WWOX: variants seen among roughly 807,000 people sequenced by gnomAD.
WWOX encodes WW domain-containing oxidoreductase.
WWOX carries 69 observed loss-of-function variants against 46.2 expected under a neutral mutation model. The observed-to-expected ratio is 1.49, with a 90% CI of 1.23 to 1.82. The LOEUF is 1.82. Among genes scored for constraint, WWOX ranks in the 40% most tolerant of loss-of-function variants. The pLI is 0.00. For missense variants in WWOX, 919 were observed against 542.6 expected (o/e 1.69, Z -6.89); for synonymous variants, 359 against 202.6 (o/e 1.77, Z -6.56).
At chr16:78,100,872 C>G (rs2031730712) in intron 1 of WWOX, among the ~76,000 whole-genome samples, 1 of 152,124 alleles carries the variant, frequency 6.6e-6, no homozygotes, top group African/African-American at 2.4e-5. Context: ...TTTTGGGTCT[C>G]CATAGAGAAC....
At chr16:78,556,192 A>C (rs1479831385) in intron 8 of WWOX, among the ~76,000 whole-genome samples, 2 of 152,004 alleles carry the variant, frequency 1.3e-5, no homozygotes, top group Admixed American at 6.6e-5. Context: ...CTTTAACAGC[A>C]AATGCCAGCC....
At chr16:78,845,122 T>TTA (rs1555548809) in intron 8 of WWOX, among the ~76,000 whole-genome samples, 1 of 149,036 alleles carries the variant, frequency 6.7e-6, no homozygotes, top group African/African-American at 2.5e-5. Context: ...GCACTTTTTT[T>TTA]ATCTTGCTGT....
intron 8 of WWOX, among the ~76,000 whole-genome samples, chr16:79,144,157 C>T (rs1300746209): frequency 6.6e-6 from 1 of 152,168 alleles, no homozygotes; most frequent in Non-Finnish European, 1.5e-5. Flanking sequence ...GTCTCAGCCT[C>T]CCAAAGTGTG....
chr16:79,166,868 A>G (rs969849846), intron 8 of WWOX, among the ~76,000 whole-genome samples: 1 of 152,202 alleles, frequency 6.6e-6, no homozygotes, highest in African/African-American at 2.4e-5. Flanking sequence ...TCTTTAGTGA[A>G]CTTGCTTATT....
At position 78,628,714 on chromosome 16, in the gene WWOX, C is replaced by G. The variant is rs140566600; in HGVS notation, c.1056+195962C>G. On this transcript the variant is annotated intron_variant, in intron 8 of 8. Transcript: ENST00000566780. ...TGAGTGACGTGCTAGAATGGAATTT[C>G]ACTGTTTTAAATTCAGGGTTAATTT... Among the ~76,000 whole-genome samples, 710 of 152,202 alleles carry G rather than the reference C, an allele frequency of 4.7e-3. 8 individuals are homozygous for G. Among genetic ancestry groups the G allele is most frequent in the African/African-American group, 0.016 (684 of 41,516 alleles).
At chr16:78,644,157 G>A (rs1176695077) in intron 8 of WWOX, among the ~76,000 whole-genome samples, 6 of 152,124 alleles carry the variant, frequency 3.9e-5, no homozygotes, top group Admixed American at 3.3e-4. Context: ...GGGAGGTGGA[G>A]GTTGTGGTGA....
At chr16:78,108,339 G>A in intron 1 of WWOX, 84 bp from the exon 2 acceptor site, 1 of 1,393,684 alleles carries the variant, frequency 7.2e-7, no homozygotes, top group Non-Finnish European at 1.0e-6. Context: ...TGGCTATCTG[G>A]GAGAGAAAAA....
intron 5 of WWOX, among the ~76,000 whole-genome samples, chr16:78,253,740 G>C (rs990467180): frequency 1.3e-5 from 2 of 152,150 alleles, no homozygotes; most frequent in African/African-American, 2.4e-5. Context: ...AAGAGTCTTA[G>C]AGCAGCATAA....
In WWOX at chr16:79,158,274, G is replaced by C. The variant is rs560378592; in HGVS notation, c.1057-53334G>C. ...TTTCAAAATACCTGGAACAAACAAA[G>C]AACCACATTTCAAGAAAAAGACAGA... On this transcript the variant is annotated intron_variant, in intron 8 of 8. Coordinates refer to ENST00000566780, the MANE Select transcript of WWOX (RefSeq NM_016373.4). Among the ~76,000 whole-genome samples, 69 of 152,246 alleles carry C rather than the reference G, an allele frequency of 4.5e-4. 1 individual carries two copies. Among genetic ancestry groups the C allele is most frequent in the Non-Finnish European group, 2.2e-4 (15 of 68,010 alleles).
chr16:78,386,784 C>G, intron 5 of WWOX, 76 bp from the exon 6 acceptor site: 2 of 1,286,448 alleles, frequency 1.6e-6, no homozygotes, highest in Admixed American at 3.4e-5. Flanking sequence ...TGTTCCATAA[C>G]ACATTTACTG....
At chr16:78,478,470 G>A (rs1176614274) in intron 8 of WWOX, among the ~76,000 whole-genome samples, 2 of 152,178 alleles carry the variant, frequency 1.3e-5, no homozygotes, top group African/African-American at 2.4e-5. Context: ...TGATAATGAC[G>A]TATTTCCCTC....
At chr16:78,968,421 T>G (rs2046406244) in intron 8 of WWOX, among the ~76,000 whole-genome samples, 1 of 152,226 alleles carries the variant, frequency 6.6e-6, no homozygotes, top group African/African-American at 2.4e-5. Context: ...GTCCTGGTGG[T>G]AGCCAAACTG....
intron 8 of WWOX, among the ~76,000 whole-genome samples, chr16:78,995,910 G>A (rs934361825): frequency 6.6e-6 from 1 of 152,182 alleles, no homozygotes; most frequent in African/African-American, 2.4e-5. Context: ...AAACGATTTT[G>A]CGTTTATACC....
intron 6 of WWOX, among the ~76,000 whole-genome samples, chr16:78,396,753 C>G (rs2082297162): frequency 6.6e-6 from 1 of 152,236 alleles, no homozygotes; most frequent in African/African-American, 2.4e-5. Flanking sequence ...CAGACAGTCT[C>G]TGCGGCAACC....
chr16:78,668,305 A>G (rs1425333264), intron 8 of WWOX, among the ~76,000 whole-genome samples: 1 of 151,942 alleles, frequency 6.6e-6, no homozygotes, highest in East Asian at 1.9e-4. Context: ...AAAACATACA[A>G]CTTAACTCTC....
intron 8 of WWOX, among the ~76,000 whole-genome samples, chr16:78,941,253 C>T (rs187980198): frequency 2.0e-5 from 3 of 152,036 alleles, no homozygotes; most frequent in East Asian, 1.9e-4. Flanking sequence ...GTTCTGCGGT[C>T]GCTTGGAGGA....
At chr16:79,036,371 A>G (rs931600373) in intron 8 of WWOX, among the ~76,000 whole-genome samples, 1 of 152,158 alleles carries the variant, frequency 6.6e-6, no homozygotes, top group African/African-American at 2.4e-5. Context: ...TTTATGTTCA[A>G]CTTTGTAATT....
intron 6 of WWOX, among the ~76,000 whole-genome samples, chr16:78,420,238 C>T (rs1050809771): frequency 6.6e-6 from 1 of 151,998 alleles, no homozygotes; most frequent in African/African-American, 2.4e-5. Context: ...ATTGAATTAC[C>T]ATATGACCCA....
intron 8 of WWOX, among the ~76,000 whole-genome samples, chr16:78,649,269 G>A (rs1284813376): frequency 1.3e-5 from 2 of 152,142 alleles, no homozygotes; most frequent in Admixed American, 6.5e-5. Context: ...ACAGGCGTGA[G>A]CCACCGTGAC....
Sources: allele counts gnomAD v4.1 joint callset (sites outside exome capture counted in the v4.1 genomes callset), GRCh38; gene constraint gnomAD v4.1.1; transcripts MANE v1.5; gene names NCBI Gene and HGNC (gene_info 2026-07-23, HGNC 2026-07-21).